The following MPP3 variants were observed in gnomAD, a reference collection of about 807,000 sequenced individuals.
MPP3 encodes the protein MAGUK p55 scaffold protein 3.
Under a neutral mutation model 80.7 loss-of-function variants are expected in MPP3, and 48 were observed. That is an observed-to-expected ratio of 0.59 (90% CI 0.47 to 0.76). The LOEUF is 0.76. Ranked by LOEUF, MPP3 falls within the 30% of genes least tolerant of loss-of-function variation. The pLI is 0.00. For synonymous variants in MPP3, 311 were observed against 297.6 expected (o/e 1.04, Z -0.46); for missense variants, 620 against 763.0 (o/e 0.81, Z 2.21).
At chr17:43,808,096 AT>A (rs1252383835) in intron 19 of MPP3, among the ~76,000 whole-genome samples, 1 of 152,252 alleles carries the variant, frequency 6.6e-6, no homozygotes, top group South Asian at 2.1e-4. Context: ...CTTTAAAAAA[AT>A]AATAATAAAA....
At chr17:43,809,235 A>C (rs1325980495) in intron 18 of MPP3, among the ~76,000 whole-genome samples, 157 bp from the exon 19 acceptor site, 4 of 152,190 alleles carry the variant, frequency 2.6e-5, no homozygotes, top group Non-Finnish European at 5.9e-5. Flanking sequence ...AACTGGGCAG[A>C]CCAACTGCTC....
intron 11 of MPP3, among the ~76,000 whole-genome samples, chr17:43,818,566 A>T (rs17675302): frequency 0.062 from 9,362 of 152,178 alleles, 430 homozygotes; most frequent in South Asian, 0.15. Context: ...GCCCGGGCAG[A>T]CTGTCCAATG....
intron 19 of MPP3, 36 bp from the exon 20 acceptor site, chr17:43,801,913 T>C (rs1319026849): frequency 1.3e-6 from 2 of 1,596,530 alleles, no homozygotes; most frequent in Non-Finnish European, 1.7e-6. Flanking sequence ...AGCAACTGGG[T>C]TGTTCTCCTA....
chr17:43,816,920 C>T (rs542055827), intron 12 of MPP3, among the ~76,000 whole-genome samples: 25 of 152,348 alleles, frequency 1.6e-4, no homozygotes, highest in Admixed American at 1.6e-3. Flanking sequence ...AGAAAGCCAG[C>T]TCATCAGTGG....
chr17:43,802,395 A>G (rs1411264812), intron 19 of MPP3, among the ~76,000 whole-genome samples: 1 of 152,222 alleles, frequency 6.6e-6, no homozygotes, highest in East Asian at 1.9e-4. Flanking sequence ...TCCTAAATTC[A>G]CAGTGCAGAA....
chr17:43,824,038 AC>A, intron 9 of MPP3, 33 bp from the exon 10 acceptor site: 1 of 1,479,940 alleles, frequency 6.8e-7, no homozygotes, highest in Non-Finnish European at 9.3e-7. Flanking sequence ...CTTCTCGCCT[AC>A]CAGGTCTAAC....
rs1364577150 is a variant in MPP3, at chr17:43,829,659, G to A, written c.436C>T (p.Pro146Ser). Residue 146 changes from proline (P) to serine (S), a missense_variant, in exon 7 of 20, where the codon CCC becomes TCC. By Grantham distance (74) the Pro-to-Ser change is moderately conservative. Transcript: ENST00000398389. ...GGGCAGGCAGCAGCACCTACCAGGG[G>A]TTCCTTGTTCTTCACCAAGCGGACG... is the stretch of plus-strand genomic sequence containing the variant. ...KIVRLVKNKEPLGATIRRDEH... is the reference protein window; with the variant it reads ...KIVRLVKNKESLGATIRRDEH... 2 of 1,613,794 alleles carry A rather than the reference G, an allele frequency of 1.2e-6. No individual in the cohort carries two copies. Among genetic ancestry groups the A allele is most frequent in the Non-Finnish European group, 8.5e-7 (1 of 1,179,974 alleles).
At chr17:43,819,588 T>G (rs1311514054) in intron 11 of MPP3, among the ~76,000 whole-genome samples, 1 of 151,942 alleles carries the variant, frequency 6.6e-6, no homozygotes, top group Admixed American at 6.5e-5. Flanking sequence ...GCGTCTGGCT[T>G]TTCCACTGAA....
chr17:43,827,529 A>C (rs2045769866), intron 8 of MPP3, among the ~76,000 whole-genome samples: 2 of 152,102 alleles, frequency 1.3e-5, no homozygotes, highest in African/African-American at 4.8e-5. Context: ...TGCTGGGATT[A>C]CAGGTGTGCA....
chr17:43,820,699 T>C (rs2045408179), intron 11 of MPP3, among the ~76,000 whole-genome samples, 163 bp downstream of exon 11: 1 of 151,466 alleles, frequency 6.6e-6, no homozygotes, highest in Non-Finnish European at 1.5e-5. Flanking sequence ...CCATCATCAC[T>C]AGTTATGGGA....
intron 19 of MPP3, among the ~76,000 whole-genome samples, chr17:43,803,523 A>G (rs1471927149): frequency 1.3e-5 from 2 of 152,176 alleles, no homozygotes; most frequent in African/African-American, 4.8e-5. Context: ...AGGTTGGATC[A>G]GCTTTGCCGG....
At chr17:43,825,953 C>T (rs1291099004) in intron 8 of MPP3, 112 bp from the exon 9 acceptor site, 9 of 693,200 alleles carry the variant, frequency 1.3e-5, no homozygotes, top group Non-Finnish European at 1.8e-5. Flanking sequence ...AGGGCCAACT[C>T]GAGGTTTAAA....
chr17:43,826,015 C>T (rs1306703963), intron 8 of MPP3, among the ~76,000 whole-genome samples, 174 bp from the exon 9 acceptor site: 1 of 152,232 alleles, frequency 6.6e-6, no homozygotes, highest in African/African-American at 2.4e-5. Context: ...CTGGGCACCT[C>T]ACTCGGCATG....
At chr17:43,809,695 T>C (rs923543589) in intron 18 of MPP3, among the ~76,000 whole-genome samples, 2 of 151,960 alleles carry the variant, frequency 1.3e-5, no homozygotes, top group African/African-American at 4.8e-5. Context: ...CTGGCTAACA[T>C]GGTGAAACCC....
At position 43,814,266 on chromosome 17, in the gene MPP3, GCAGCTCCGGAGACT is replaced by G; in HGVS notation, c.1091_1104del (p.Glu364AlafsTer40). The G allele has an allele frequency of 6.2e-7, 1 of 1,613,288 alleles. No homozygotes were observed. The highest frequency in any genetic ancestry group is 1.1e-5 in the South Asian group (1 of 91,080). On this transcript the variant is annotated frameshift_variant, in exon 15 of 20. Coordinates refer to ENST00000398389, the MANE Select transcript of MPP3 (RefSeq NM_001932.6). LOFTEE classifies it high-confidence loss of function. ...TACCTGGCCACCTCTTCGTAAGTCA[GCAGCTCCGGAGACT>G]CAGCTCCGGAGGACATCTTTCCTTC...
At chr17:43,804,124 T>C (rs1186193021) in intron 19 of MPP3, among the ~76,000 whole-genome samples, 1 of 152,160 alleles carries the variant, frequency 6.6e-6, no homozygotes, top group Non-Finnish European at 1.5e-5. Context: ...TTCTTGACTC[T>C]TTGAAAAATG....
At position 43,804,945 on chromosome 17, in the gene MPP3, G is replaced by A. The variant is rs1275311908; in HGVS notation, c.1582-3068C>T. 2.0e-5 allele frequency among the ~76,000 whole-genome samples: 3 copies of A among 152,170 alleles called. No homozygotes were observed. The East Asian group carries it at 5.8e-4, about 29-fold the overall frequency. On this transcript the variant is annotated intron_variant, in intron 19 of 19. Transcript: ENST00000398389. Reference sequence around the variant, plus strand: ...AGGCAGGAGAATCACTCGAACCTGGGAGCTGGAGGTTGCAGTGAGCCAACA... The same window carrying A: ...AGGCAGGAGAATCACTCGAACCTGGAAGCTGGAGGTTGCAGTGAGCCAACA...
chr17:43,803,522 C>T (rs2044497862), intron 19 of MPP3, among the ~76,000 whole-genome samples: 1 of 152,136 alleles, frequency 6.6e-6, no homozygotes, highest in Admixed American at 6.5e-5. Flanking sequence ...CAGGTTGGAT[C>T]AGCTTTGCCG....
intron 18 of MPP3, among the ~76,000 whole-genome samples, 190 bp from the exon 19 acceptor site, chr17:43,809,268 C>T (rs1598326295): frequency 2.0e-5 from 3 of 152,260 alleles, no homozygotes; most frequent in East Asian, 3.9e-4. Context: ...TTCACTTTGA[C>T]GTTGAACTCA....
Sources: allele counts gnomAD v4.1 joint callset (sites outside exome capture counted in the v4.1 genomes callset), GRCh38; gene constraint gnomAD v4.1.1; transcripts MANE v1.5; gene names NCBI Gene and HGNC (gene_info 2026-07-23, HGNC 2026-07-21).